PPP1R12B: variants seen among roughly 807,000 people sequenced by gnomAD.
PPP1R12B encodes the protein protein phosphatase 1 regulatory subunit 12B.
In PPP1R12B, 76 loss-of-function variants were observed where a neutral mutation model predicts 126.1. That is an observed-to-expected ratio of 0.60 (90% CI 0.50 to 0.73). PPP1R12B has a LOEUF of 0.73. Among genes scored for constraint, PPP1R12B ranks in the 30% least tolerant of loss-of-function variants. The pLI is 0.00. For missense variants in PPP1R12B, 1,052 were observed against 1,205.1 expected, an observed-to-expected ratio of 0.87 and a Z score of 1.88; for synonymous variants, 356 against 434.7, an observed-to-expected ratio of 0.82 and a Z score of 2.25.
intron 13 of PPP1R12B, among the ~76,000 whole-genome samples, chr1:202,476,505 G>C (rs1378290451): frequency 1.3e-5 from 2 of 151,530 alleles, no homozygotes; most frequent in African/African-American, 2.4e-5. Context: ...CAATGTGGTG[G>C]AAACACCGCT....
chr1:202,410,987 C>A (rs2148597913), intron 1 of PPP1R12B, among the ~76,000 whole-genome samples: 1 of 152,222 alleles, frequency 6.6e-6, no homozygotes, highest in Non-Finnish European at 1.5e-5. Context: ...GCCTGCTTCC[C>A]AAGAAAAGGA....
At chr1:202,391,194 AT>A (rs1174176215) in intron 1 of PPP1R12B, among the ~76,000 whole-genome samples, 4 of 152,324 alleles carry the variant, frequency 2.6e-5, no homozygotes, top group Middle Eastern at 3.4e-3. Flanking sequence ...ATAAGAAAAA[AT>A]ATCTCAATTA....
At position 202,428,803 on chromosome 1, in the gene PPP1R12B, G is replaced by A. The variant is rs1017213236; in HGVS notation, c.847-52G>A. 88 of 1,533,654 alleles carry A rather than the reference G, an allele frequency of 5.7e-5. 1 individual carries two copies. Among genetic ancestry groups the A allele is most frequent in the Non-Finnish European group, 7.3e-5 (82 of 1,121,272 alleles). ...AATAGTTCCCTACTAATAAAGTCAC[G>A]TAATTGCTGCTTCTGTTTTCTATCA... On this transcript the variant is annotated intron_variant, in intron 5 of 23. Transcript: ENST00000608999.
intron 19 of PPP1R12B, among the ~76,000 whole-genome samples, chr1:202,561,905 A>G (rs745411241): frequency 6.6e-6 from 1 of 152,198 alleles, no homozygotes; most frequent in Non-Finnish European, 1.5e-5. Context: ...GGACAGATAC[A>G]TCAGATGCAA....
chr1:202,371,278 C>T (rs1660209572), intron 1 of PPP1R12B, among the ~76,000 whole-genome samples: 1 of 151,134 alleles, frequency 6.6e-6, no homozygotes, highest in Non-Finnish European at 1.5e-5. Flanking sequence ...ACTTTAGCCT[C>T]CCAAAGTGCT....
At chr1:202,380,743 G>A (rs1662115157) in intron 1 of PPP1R12B, among the ~76,000 whole-genome samples, 1 of 152,148 alleles carries the variant, frequency 6.6e-6, no homozygotes, top group Non-Finnish European at 1.5e-5. Flanking sequence ...GTATCCCTTT[G>A]AAGATCTCCT....
intron 23 of PPP1R12B, among the ~76,000 whole-genome samples, chr1:202,572,907 G>C (rs1688740811): frequency 6.6e-6 from 1 of 152,072 alleles, no homozygotes; most frequent in Non-Finnish European, 1.5e-5. Context: ...GCTTCCTATA[G>C]AACATTGACC....
chr1:202,427,026 G>A lies in PPP1R12B; in HGVS notation c.702-14G>A, dbSNP rs1365796755. ...TACAGAAGATATATGTCTTGTTTTG[G>A]GTTTTCTTTTTAGACTTTTAATTCA... On this transcript the variant is annotated splice_polypyrimidine_tract_variant and intron_variant, in intron 4 of 23. Transcript: ENST00000608999. The A allele has an allele frequency of 4.4e-6, 7 of 1,607,036 alleles. No homozygotes were observed. The highest frequency in any genetic ancestry group is 5.1e-6 in the Non-Finnish European group (6 of 1,178,030).
At position 202,569,102 on chromosome 1, in the gene PPP1R12B, C is replaced by T. The variant is rs751458040; in HGVS notation, c.2812-45C>T. 9 of 1,598,942 alleles carry T rather than the reference C, an allele frequency of 5.6e-6. No individual in the cohort carries two copies. The African/African-American group carries it at 9.4e-5, about 17-fold the overall frequency. On this transcript the variant is annotated intron_variant, in intron 22 of 23. Coordinates refer to ENST00000608999, the MANE Select transcript of PPP1R12B (RefSeq NM_002481.4). ...AGCTGGGAGGCAGCATTTTTACTCC[C>T]TTCTGAATTCAATAATGTTCAACAG...
At chr1:202,378,367 C>T (rs1661621632) in intron 1 of PPP1R12B, among the ~76,000 whole-genome samples, 1 of 150,968 alleles carries the variant, frequency 6.6e-6, no homozygotes, top group African/African-American at 2.4e-5. Flanking sequence ...TTCAAATTCT[C>T]CTTAAGGAGT....
chr1:202,533,978 A>G (rs1046849112), intron 18 of PPP1R12B, among the ~76,000 whole-genome samples: 5 of 152,158 alleles, frequency 3.3e-5, no homozygotes, highest in Admixed American at 1.3e-4. Context: ...GATTGATTTT[A>G]CAGTCATGGT....
Position 202,565,353 on chromosome 1 carries a change from A to G in PPP1R12B, c.2757+806A>G, listed in dbSNP as rs1168462142. On this transcript the variant is annotated intron_variant, in intron 21 of 23. Transcript: ENST00000608999. This position sits in a 1 kb window ranked among gnomAD's most constrained non-coding sequence, Gnocchi z 4.3. Reference sequence around the variant, plus strand: ...ATTTCGAAAGCTGAACTGAAGTAAAAATGATTCTTTAGCAGGAAGGCTTGA... The same window carrying G: ...ATTTCGAAAGCTGAACTGAAGTAAAGATGATTCTTTAGCAGGAAGGCTTGA... Among the ~76,000 whole-genome samples the G allele has an allele frequency of 6.6e-6, 1 of 152,216 alleles. No individual in the cohort carries two copies. The highest frequency in any genetic ancestry group is 2.4e-5 in the African/African-American group (1 of 41,446).
intron 8 of PPP1R12B, among the ~76,000 whole-genome samples, chr1:202,434,381 G>T (rs900460652): frequency 6.6e-6 from 1 of 152,076 alleles, no homozygotes; most frequent in African/African-American, 2.4e-5. Context: ...GATTATAGAT[G>T]GATTTTATAT....
intron 12 of PPP1R12B, chr1:202,444,898 C>A: frequency 1.9e-6 from 1 of 539,442 alleles, no homozygotes; most frequent in Non-Finnish European, 2.8e-6. Flanking sequence ...TCAGCTCTAG[C>A]TGGAGTTGAT....
intron 13 of PPP1R12B, among the ~76,000 whole-genome samples, chr1:202,463,433 TTTA>T (rs1209648788): frequency 6.6e-6 from 1 of 152,096 alleles, no homozygotes; most frequent in South Asian, 2.1e-4. Flanking sequence ...CAGGTGATGG[TTTA>T]TTATTCTTTA....
At chr1:202,530,761 C>A (rs1356641567) in intron 18 of PPP1R12B, among the ~76,000 whole-genome samples, 1 of 152,194 alleles carries the variant, frequency 6.6e-6, no homozygotes, top group Non-Finnish European at 1.5e-5. Flanking sequence ...ATCTCTTCTC[C>A]CTACTCCCAG....
chr1:202,442,232 TG>T (rs1468603957), intron 11 of PPP1R12B, among the ~76,000 whole-genome samples: 1 of 152,198 alleles, frequency 6.6e-6, no homozygotes, highest in African/African-American at 2.4e-5. Flanking sequence ...ATTTGGTACC[TG>T]TTGAAATTAA....
At chr1:202,530,193 T>C (rs2137435) in intron 18 of PPP1R12B, among the ~76,000 whole-genome samples, 62,162 of 151,888 alleles carry the variant, frequency 0.41, 14,669 homozygotes, top group East Asian at 0.7. Context: ...TTCTTCACTA[T>C]GTGGGTCTGT....
intron 18 of PPP1R12B, among the ~76,000 whole-genome samples, chr1:202,518,045 T>C (rs1682359483): frequency 6.6e-6 from 1 of 152,176 alleles, no homozygotes; most frequent in Non-Finnish European, 1.5e-5. Flanking sequence ...TGCAAATTAG[T>C]CATTATTTTC....
Sources: gnomAD v4.1 joint callset for allele counts (sites outside exome capture counted in the v4.1 genomes callset) on GRCh38, gnomAD v4.1.1 for gene constraint, Gnocchi (gnomAD v3.1) non-coding constraint, MANE v1.5 for transcripts, NCBI Gene and HGNC (gene_info 2026-07-23, HGNC 2026-07-21) for gene names.